The following GCNT2 variants were observed in gnomAD, a reference collection of about 807,000 sequenced individuals.
GCNT2 encodes the protein N-acetyllactosaminide beta-1,6-N-acetylglucosaminyl-transferase.
Under a neutral mutation model 34.2 loss-of-function variants are expected in GCNT2, and 34 were observed. The observed-to-expected ratio is 1.00, with a 90% CI of 0.76 to 1.32. The LOEUF is 1.32. GCNT2 is among the 40% of genes most tolerant of loss of function. The probability of loss-of-function intolerance (pLI) is 0.00; values close to 1 mark genes in which losing one functional copy is unlikely to be tolerated. For synonymous variants in GCNT2, 212 were observed against 188.0 expected (o/e 1.13, Z -1.04); for missense variants, 584 against 489.4 (o/e 1.19, Z -1.82).
intron 3 of GCNT2, among the ~76,000 whole-genome samples, chr6:10,572,450 G>A (rs1169081405): frequency 2.0e-5 from 3 of 152,126 alleles, no homozygotes; most frequent in African/African-American, 4.8e-5. Context: ...CAGGCCGGGC[G>A]CTGTGGCTCA....
chr6:10,533,512 G>C (rs1249257742), intron 3 of GCNT2, among the ~76,000 whole-genome samples: 1 of 151,926 alleles, frequency 6.6e-6, no homozygotes, highest in Non-Finnish European at 1.5e-5. Flanking sequence ...TTTATGCCAG[G>C]TGTGGTGGCT....
At chr6:10,592,357 T>A (rs377261036) in intron 3 of GCNT2, among the ~76,000 whole-genome samples, 26 of 152,304 alleles carry the variant, frequency 1.7e-4, no homozygotes, top group Middle Eastern at 3.4e-3. Flanking sequence ...CAGTCTGGCT[T>A]ATTTAACCTC....
chr6:10,586,091 G>A (rs188379073), intron 3 of GCNT2: 18 of 1,614,174 alleles, frequency 1.1e-5, no homozygotes, highest in Non-Finnish European at 1.4e-5. Flanking sequence ...AAAGTTATGA[G>A]AAGCTGAACA....
At chr6:10,616,089 C>G (rs1435102545) in intron 3 of GCNT2, among the ~76,000 whole-genome samples, 1 of 152,154 alleles carries the variant, frequency 6.6e-6, no homozygotes, top group East Asian at 1.9e-4. Context: ...GGAGTTTGTT[C>G]CCTCTAATGT....
At position 10,582,059 on chromosome 6, in the gene GCNT2, CAT is replaced by C. The variant is rs568263904; in HGVS notation, c.926-39291_926-39290del. ...TTATATGTATATATTTAAAAATACA[CAT>C]GTAATATATATTTTAAATATGCATA... On this transcript the variant is annotated intron_variant, in intron 3 of 4. Coordinates refer to ENST00000495262, the MANE Select transcript of GCNT2 (RefSeq NM_145649.5). The C allele has an allele frequency of 6.7e-3, 1,107 of 164,214 alleles. 15 individuals are homozygous for C. The highest frequency in any genetic ancestry group is 0.025 in the African/African-American group (975 of 39,752). The allele number at this position is 164,214 out of a possible 1,614,324, so 10.2% of individuals were successfully genotyped here. A position where few individuals can be genotyped will look rare whatever the true frequency, so the allele number is the denominator to read the frequency against.
At chr6:10,578,762 G>C (rs1763939434) in intron 3 of GCNT2, among the ~76,000 whole-genome samples, 1 of 152,064 alleles carries the variant, frequency 6.6e-6, no homozygotes, top group Non-Finnish European at 1.5e-5. Flanking sequence ...TTATATTCTT[G>C]TGGAGGAGAG....
intron 3 of GCNT2, among the ~76,000 whole-genome samples, chr6:10,554,019 A>T (rs1466783444): frequency 6.6e-6 from 1 of 152,224 alleles, no homozygotes; most frequent in Non-Finnish European, 1.5e-5. Flanking sequence ...TTAATTGGCT[A>T]GTTTGGGAAT....
intron 1 of GCNT2, among the ~76,000 whole-genome samples, chr6:10,525,304 T>A (rs538903913): frequency 6.6e-6 from 1 of 152,174 alleles, no homozygotes; most frequent in Non-Finnish European, 1.5e-5. Flanking sequence ...AAACTATAAG[T>A]CTTTGCTGGT....
intron 3 of GCNT2, among the ~76,000 whole-genome samples, chr6:10,547,667 ACAAT>A (rs1417508278): frequency 6.6e-6 from 1 of 152,214 alleles, no homozygotes; most frequent in Non-Finnish European, 1.5e-5. Flanking sequence ...TGTTTATCAA[ACAAT>A]CACTCTCCAG....
rs934067375 is a variant in GCNT2 at position 10,627,015 on chromosome 6, C to T, written c.*408C>T. 1.5e-5 allele frequency: 3 copies of T among 206,108 alleles called. No individual in the cohort carries two copies. Among genetic ancestry groups the T allele is most frequent in the African/African-American group, 2.3e-5 (1 of 43,208 alleles). The allele number at this position is 206,108 out of a possible 1,614,324, so 12.8% of individuals were successfully genotyped here. On this transcript the variant is annotated 3_prime_UTR_variant, in exon 5 of 5. Coordinates refer to ENST00000495262, the MANE Select transcript of GCNT2 (RefSeq NM_145649.5). The stretch of plus-strand genomic sequence containing the variant: ...TCTTTGAAGAAGGAATCTTTTATAA[C>T]ACCTTAACAGTCACCACTGTGCTCA...
At chr6:10,608,420 C>T (rs1765417544) in intron 3 of GCNT2, among the ~76,000 whole-genome samples, 1 of 152,160 alleles carries the variant, frequency 6.6e-6, no homozygotes. Context: ...TGTCATATTG[C>T]TCTTCCAAAA....
At chr6:10,585,892 A>G in intron 3 of GCNT2, 4 of 1,582,804 alleles carry the variant, frequency 2.5e-6, no homozygotes, top group Non-Finnish European at 3.4e-6. Context: ...GAAGCTGTCG[A>G]AATTCAAGAC....
At chr6:10,567,853 C>T (rs1763357400) in intron 3 of GCNT2, among the ~76,000 whole-genome samples, 1 of 152,204 alleles carries the variant, frequency 6.6e-6, no homozygotes, top group Non-Finnish European at 1.5e-5. Flanking sequence ...GAACTCTCAG[C>T]CGAAACCTCA....
intron 3 of GCNT2, among the ~76,000 whole-genome samples, chr6:10,617,747 CTTCTTTTTT>C (rs145007754): frequency 0.097 from 11,110 of 114,236 alleles, 678 homozygotes; most frequent in African/African-American, 0.25. Flanking sequence ...GTCTGCATTT[CTTCTTTTTT>C]TTTTTTTTTT....
Position 10,529,716 on chromosome 6 carries a change from C to T in GCNT2, c.805C>T (p.Leu269Phe), listed in dbSNP as rs1255494732. Residue 269 changes from leucine to phenylalanine, a missense_variant, in exon 3 of 5, where the codon CTC becomes TTC. Transcript: ENST00000495262. ...VIYFGTAYVA[L>F]TRDFANFVLQ... is the part of the protein sequence containing the mutation. ...TTACTTTGGCACGGCCTACGTGGCTCTCACAAGGGACTTTGCTAACTTCGT... is the reference window on the plus strand; with the variant it reads ...TTACTTTGGCACGGCCTACGTGGCTTTCACAAGGGACTTTGCTAACTTCGT... The T allele has an allele frequency of 9.3e-6, 15 of 1,614,010 alleles. No homozygotes were observed. Among genetic ancestry groups the T allele is most frequent in the Non-Finnish European group, 1.2e-5 (14 of 1,180,002 alleles).
intron 3 of GCNT2, among the ~76,000 whole-genome samples, chr6:10,540,993 A>T (rs1312838085): frequency 6.6e-6 from 1 of 152,018 alleles, no homozygotes; most frequent in African/African-American, 2.4e-5. Context: ...TTGAGGACTG[A>T]ATTTGTATAT....
intron 3 of GCNT2, among the ~76,000 whole-genome samples, chr6:10,615,584 G>A (rs148356426): frequency 1.6e-4 from 24 of 152,298 alleles, no homozygotes; most frequent in African/African-American, 4.1e-4. Flanking sequence ...AAGGGATCCC[G>A]ATCCAGACCC....
intron 3 of GCNT2, among the ~76,000 whole-genome samples, chr6:10,563,774 AAAAATATATAT>A (rs1215557524): frequency 0.039 from 1,582 of 40,758 alleles, 7 homozygotes; most frequent in Admixed American, 0.073. Flanking sequence ...AAAAAAAAAA[AAAAATATATAT>A]ATATATATAT....
chr6:10,544,938 T>G (rs1035674415), intron 3 of GCNT2, among the ~76,000 whole-genome samples: 1 of 139,728 alleles, frequency 7.2e-6, no homozygotes. Context: ...GAGCAAAAAC[T>G]CTGTCTCAAA....
Sources: allele counts gnomAD v4.1 joint callset (sites outside exome capture counted in the v4.1 genomes callset), GRCh38; gene constraint gnomAD v4.1.1; transcripts MANE v1.5; gene names NCBI Gene and HGNC (gene_info 2026-07-23, HGNC 2026-07-21).